Variants in KLF12 observed in about 807,000 individuals in gnomAD.
The protein encoded by KLF12 is KLF transcription factor 12.
In KLF12, 9 loss-of-function variants were observed where a neutral mutation model predicts 37.8. The ratio of observed to expected loss-of-function variants is 0.24; its 90% CI spans 0.14 to 0.42. The LOEUF (loss-of-function observed/expected upper bound fraction) is 0.42, where lower values mean the gene tolerates loss of function less well. Ranked by LOEUF, KLF12 falls within the 10% of genes least tolerant of loss-of-function variation. The probability of loss-of-function intolerance (pLI) is 1.00; values close to 1 mark genes in which losing one functional copy is unlikely to be tolerated. For missense variants in KLF12, 411 were observed against 516.0 expected (o/e 0.80, Z 1.97); for synonymous variants, 208 against 202.1 (o/e 1.03, Z -0.25).
At chr13:73,898,256 CA>C (rs760132592) in intron 3 of KLF12, among the ~76,000 whole-genome samples, 4 of 152,084 alleles carry the variant, frequency 2.6e-5, no homozygotes, top group Non-Finnish European at 5.9e-5. Flanking sequence ...AAACTCCTAA[CA>C]AAAAATTCAA....
At chr13:74,260,141 C>A in the KLF12 span, among the ~76,000 whole-genome samples, 1 of 152,044 alleles carries the variant, frequency 6.6e-6, no homozygotes, top group Non-Finnish European at 1.5e-5. Context: ...CACACACTCA[C>A]ACACACACAT....
rs144485988 is a variant in KLF12, at chr13:74,117,233, T to C, written c.-32+16506A>G. On this transcript the variant is annotated intron_variant, in intron 1 of 7. Transcript: ENST00000377669. ...AATGAAATGAGAGACCCTTGAAGGA[T>C]TGGCTGATTTGGTAGCTGTGGCAGG... is the stretch of plus-strand genomic sequence containing the variant. 1.1e-4 allele frequency among the ~76,000 whole-genome samples: 16 copies of C among 152,246 alleles called. No individual in the cohort carries two copies. In the East Asian group the frequency reaches 2.1e-3, roughly 20 times the overall value.
intron 1 of KLF12, among the ~76,000 whole-genome samples, chr13:74,042,160 T>C (rs756772934): frequency 2.0e-5 from 3 of 151,902 alleles, no homozygotes; most frequent in Non-Finnish European, 2.9e-5. Context: ...AAAAGTTAGC[T>C]GGGCATAGTG....
chr13:74,146,590 T>C, the KLF12 span, among the ~76,000 whole-genome samples: 3 of 152,196 alleles, frequency 2.0e-5, no homozygotes, highest in Non-Finnish European at 2.9e-5. Context: ...TAAAAAACAG[T>C]CTTAATTTAG....
intron 1 of KLF12, among the ~76,000 whole-genome samples, chr13:74,133,632 G>A (rs1313156523): frequency 6.2e-5 from 9 of 146,204 alleles, no homozygotes; most frequent in African/African-American, 2.3e-4. Context: ...GATGACAGAA[G>A]GAAAATAAAA....
intron 1 of KLF12, among the ~76,000 whole-genome samples, chr13:74,083,492 A>ATAG (rs1348212314): frequency 2.1e-4 from 25 of 118,342 alleles, no homozygotes; most frequent in African/African-American, 8.3e-4. Context: ...GGGCGATAGG[A>ATAG]GACACACACA....
intron 4 of KLF12, among the ~76,000 whole-genome samples, chr13:73,816,937 T>G (rs1883255785): frequency 1.3e-5 from 2 of 152,170 alleles, no homozygotes; most frequent in South Asian, 4.1e-4. Context: ...ACACCATGAG[T>G]GACCCCAGGT....
At chr13:73,838,204 C>G (rs1333354605) in intron 4 of KLF12, among the ~76,000 whole-genome samples, 1 of 152,158 alleles carries the variant, frequency 6.6e-6, no homozygotes, top group African/African-American at 2.4e-5. Context: ...ACTGTATTTT[C>G]TTTCACAAAT....
intron 7 of KLF12, among the ~76,000 whole-genome samples, chr13:73,714,928 G>A (rs1875684994): frequency 6.6e-6 from 1 of 152,024 alleles, no homozygotes; most frequent in Admixed American, 6.5e-5. Context: ...ACAATGCTAC[G>A]TATCTGTCAT....
intron 6 of KLF12, among the ~76,000 whole-genome samples, chr13:73,722,068 T>C (rs1482959349): frequency 6.6e-6 from 1 of 152,174 alleles, no homozygotes; most frequent in Non-Finnish European, 1.5e-5. Context: ...GAGCATTCAG[T>C]TTACAAAGTA....
chr13:73,707,079 T>C (rs1343005635), intron 7 of KLF12, among the ~76,000 whole-genome samples: 1 of 152,154 alleles, frequency 6.6e-6, no homozygotes, highest in Non-Finnish European at 1.5e-5. Context: ...TAGACATGCA[T>C]AGGAGCACGG....
intron 1 of KLF12, among the ~76,000 whole-genome samples, chr13:74,024,047 T>C (rs1217843668): frequency 6.6e-6 from 1 of 152,224 alleles, no homozygotes; most frequent in African/African-American, 2.4e-5. Flanking sequence ...GTATGGCTTA[T>C]AACTTTCAAA....
the KLF12 span, among the ~76,000 whole-genome samples, chr13:74,192,852 A>G: frequency 6.6e-6 from 1 of 152,156 alleles, no homozygotes; most frequent in African/African-American, 2.4e-5. Context: ...CTTAGTGTTT[A>G]TTCACCTTTC....
At chr13:73,776,577 G>GACC (rs1193687605) in intron 5 of KLF12, among the ~76,000 whole-genome samples, 2 of 152,168 alleles carry the variant, frequency 1.3e-5, no homozygotes, top group African/African-American at 2.4e-5. Flanking sequence ...TCTCACATTT[G>GACC]ACCAACATCA....
At chr13:73,999,759 C>G (rs1191711670) in intron 1 of KLF12, among the ~76,000 whole-genome samples, 1 of 151,808 alleles carries the variant, frequency 6.6e-6, no homozygotes, top group Non-Finnish European at 1.5e-5. Flanking sequence ...AAAACAAAAA[C>G]AAAAACCCCA....
intron 1 of KLF12, among the ~76,000 whole-genome samples, chr13:74,081,814 C>T (rs1461508981): frequency 6.6e-6 from 1 of 152,076 alleles, no homozygotes; most frequent in Non-Finnish European, 1.5e-5. Context: ...AAATAAGTCA[C>T]CTTATTTAAT....
At chr13:74,225,360 G>A in the KLF12 span, among the ~76,000 whole-genome samples, 599 of 152,248 alleles carry the variant, frequency 3.9e-3, 6 homozygotes, top group African/African-American at 0.013. Flanking sequence ...GACGTTAGCT[G>A]TTTGCTATCA....
At chr13:73,879,111 T>C (rs1428935545) in intron 3 of KLF12, among the ~76,000 whole-genome samples, 2 of 152,170 alleles carry the variant, frequency 1.3e-5, no homozygotes, top group East Asian at 3.8e-4. Flanking sequence ...AGACTATCAA[T>C]GAAGACACTT....
At chr13:74,109,725 G>C (rs1208246703) in intron 1 of KLF12, among the ~76,000 whole-genome samples, 1 of 152,070 alleles carries the variant, frequency 6.6e-6, no homozygotes, top group Non-Finnish European at 1.5e-5. Flanking sequence ...CAAGCCAATG[G>C]AAATTTCCTA....
Sources: gnomAD v4.1 joint callset for allele counts (sites outside exome capture counted in the v4.1 genomes callset) on GRCh38, gnomAD v4.1.1 for gene constraint, MANE v1.5 for transcripts, NCBI Gene and HGNC (gene_info 2026-07-23, HGNC 2026-07-21) for gene names.